Variants in PCDHGB3 observed in about 807,000 individuals in gnomAD.
PCDHGB3 encodes protocadherin gamma subfamily B, 3, also known as protocadherin gamma-B3.
In PCDHGB3, 40 loss-of-function variants were observed where a neutral mutation model predicts 59.2. The ratio of observed to expected loss-of-function variants is 0.68; its 90% CI spans 0.52 to 0.88. The LOEUF (loss-of-function observed/expected upper bound fraction) is 0.88, where lower values mean the gene tolerates loss of function less well. PCDHGB3 is among the 40% of genes least tolerant of loss of function. The pLI is 0.00. For missense variants in PCDHGB3, 1,309 were observed against 1,187.9 expected, an observed-to-expected ratio of 1.10 and a Z score of -1.50; for synonymous variants, 581 against 503.6, an observed-to-expected ratio of 1.15 and a Z score of -2.06.
chr5:141,393,263 A>G, intron 1 of PCDHGB3: 2 of 1,613,926 alleles, frequency 1.2e-6, no homozygotes, highest in Non-Finnish European at 1.7e-6. Context: ...TTCCTGGAGC[A>G]CGTTATCCAC....
Position 141,485,395 on chromosome 5 carries a change from C to T in PCDHGB3, c.2416-9412C>T. On this transcript the variant is annotated intron_variant, in intron 1 of 3. Coordinates refer to ENST00000576222, the MANE Select transcript of PCDHGB3 (RefSeq NM_018924.5). The surrounding 1 kb of genome is among the most constrained non-coding windows in gnomAD (Gnocchi z 5.7). Reference sequence around the variant, plus strand: ...TCGCTGGAGAGGTGAACCAAAGACACTTCCGTGTGGATTTGGACAGCGGAG... The same window carrying T: ...TCGCTGGAGAGGTGAACCAAAGACATTTCCGTGTGGATTTGGACAGCGGAG... 5 of 1,614,154 alleles carry T rather than the reference C, an allele frequency of 3.1e-6. No homozygotes were observed. Among genetic ancestry groups the T allele is most frequent in the Non-Finnish European group, 3.4e-6 (4 of 1,180,026 alleles).
chr5:141,419,209 G>A (rs541061354), intron 1 of PCDHGB3: 11 of 1,613,900 alleles, frequency 6.8e-6, no homozygotes, highest in South Asian at 5.5e-5. Context: ...ACAACGCGCC[G>A]GTTTTCGGAC....
chr5:141,418,730 G>GT, intron 1 of PCDHGB3: 1 of 1,613,952 alleles, frequency 6.2e-7, no homozygotes, highest in Non-Finnish European at 8.5e-7. Context: ...AGCTCAGCAC[G>GT]TGTTCTCTCT....
At chr5:141,416,200 T>G (rs1318033556) in intron 1 of PCDHGB3, 2 of 152,444 alleles carry the variant, frequency 1.3e-5, no homozygotes, top group African/African-American at 4.8e-5. Context: ...ATTAACAATT[T>G]ATTTATAACA....
At chr5:141,373,588 T>A (rs1021552918) in intron 1 of PCDHGB3, among the ~76,000 whole-genome samples, 3 of 152,222 alleles carry the variant, frequency 2.0e-5, no homozygotes, top group African/African-American at 4.8e-5. Context: ...GGTGGTGAAA[T>A]GTGATGATAA....
chr5:141,400,235 T>G, intron 1 of PCDHGB3: 4 of 1,614,006 alleles, frequency 2.5e-6, no homozygotes, highest in Non-Finnish European at 3.4e-6. Context: ...CTCCTGGCCG[T>G]GATTCTGGCC....
intron 1 of PCDHGB3, chr5:141,399,616 C>G (rs777443975): frequency 6.2e-7 from 1 of 1,613,962 alleles, no homozygotes. Flanking sequence ...GCCTCTGGCA[C>G]TGGCCTCTTA....
At chr5:141,409,776 T>C in intron 1 of PCDHGB3, 1 of 1,612,708 alleles carries the variant, frequency 6.2e-7, no homozygotes, top group Non-Finnish European at 8.5e-7. Context: ...CACGAGCAGC[T>C]GCGCGCCTTC....
chr5:141,489,641 C>T lies in PCDHGB3; in HGVS notation c.2416-5166C>T, dbSNP rs1356716387. On this transcript the variant is annotated intron_variant, in intron 1 of 3. Coordinates refer to ENST00000576222, the MANE Select transcript of PCDHGB3 (RefSeq NM_018924.5). This position sits in a 1 kb window ranked among gnomAD's most constrained non-coding sequence, Gnocchi z 4.5. The stretch of plus-strand genomic sequence containing the variant: ...CTCAATGACAACTCTCCTAGCTTTG[C>T]CACCCCTGAGCGAGAGATGCGCATC... The T allele has an allele frequency of 2.5e-6, 4 of 1,614,008 alleles. No individual in the cohort carries two copies. The highest frequency in any genetic ancestry group is 3.4e-6 in the Non-Finnish European group (4 of 1,180,012).
At chr5:141,499,686 T>C (rs1400567357) in intron 2 of PCDHGB3, among the ~76,000 whole-genome samples, 2 of 149,346 alleles carry the variant, frequency 1.3e-5, no homozygotes, top group East Asian at 2.0e-4. Context: ...CTTTAACAGA[T>C]GACTTTTTTT....
chr5:141,384,354 C>T (rs1437330360), intron 1 of PCDHGB3: 13 of 1,613,844 alleles, frequency 8.1e-6, no homozygotes, highest in Non-Finnish European at 1.0e-5. Context: ...AGGATAATGC[C>T]CAGATCACTT....
chr5:141,446,469 T>C (rs538381725), intron 1 of PCDHGB3, among the ~76,000 whole-genome samples: 2 of 149,740 alleles, frequency 1.3e-5, no homozygotes, highest in South Asian at 4.2e-4. Flanking sequence ...TGATTAGACA[T>C]ATGGTCATCA....
chr5:141,375,411 C>T lies in PCDHGB3; in HGVS notation c.2415+2602C>T, dbSNP rs73265852. Reference sequence around the variant, plus strand: ...GAAACAATCATCTCTCTAAATGTGGCAGACACCAACGACAACCCGCCCACC... The same window carrying T: ...GAAACAATCATCTCTCTAAATGTGGTAGACACCAACGACAACCCGCCCACC... On this transcript the variant is annotated intron_variant, in intron 1 of 3. Coordinates refer to ENST00000576222, the MANE Select transcript of PCDHGB3 (RefSeq NM_018924.5). 1.5e-3 allele frequency: 2,401 copies of T among 1,613,970 alleles called. 32 individuals are homozygous for T. In the African/African-American group the frequency reaches 0.028, roughly 19 times the overall value.
intron 1 of PCDHGB3, among the ~76,000 whole-genome samples, chr5:141,488,854 A>G (rs923370040): frequency 1.3e-5 from 2 of 152,226 alleles, no homozygotes; most frequent in Admixed American, 1.3e-4. Context: ...AACCTGCAGC[A>G]CGAAGTGAGT....
At chr5:141,410,619 C>T (rs757187051) in intron 1 of PCDHGB3, 8 of 1,603,614 alleles carry the variant, frequency 5.0e-6, no homozygotes, top group Admixed American at 3.3e-5. Flanking sequence ...ACTCTGACTT[C>T]GGTGAGTTTC....
chr5:141,418,273 A>G (rs1440274831), intron 1 of PCDHGB3: 2 of 1,614,082 alleles, frequency 1.2e-6, no homozygotes, highest in Non-Finnish European at 8.5e-7. Flanking sequence ...AAGATGAAAT[A>G]AACTTAGAAA....
intron 1 of PCDHGB3, chr5:141,393,148 A>AT: frequency 6.2e-7 from 1 of 1,613,332 alleles, no homozygotes; most frequent in Non-Finnish European, 8.5e-7. Context: ...CTGGTTGAGG[A>AT]TAAAGGAAAA....
chr5:141,389,196 C>T, intron 1 of PCDHGB3: 1 of 1,614,048 alleles, frequency 6.2e-7, no homozygotes, highest in South Asian at 1.1e-5. Flanking sequence ...CAGCATCACC[C>T]TGCACATTGG....
intron 1 of PCDHGB3, chr5:141,404,948 G>A (rs756928954): frequency 3.1e-6 from 5 of 1,613,838 alleles, no homozygotes; most frequent in African/African-American, 1.3e-5. Flanking sequence ...AGCCATAGCT[G>A]ACAGCATCCC....
Sources: allele counts gnomAD v4.1 joint callset (sites outside exome capture counted in the v4.1 genomes callset), GRCh38; gene constraint gnomAD v4.1.1; non-coding constraint Gnocchi (gnomAD v3.1); transcripts MANE v1.5; gene names NCBI Gene and HGNC (gene_info 2026-07-23, HGNC 2026-07-21).